Variants in RUBCN observed in about 807,000 individuals in gnomAD.
RUBCN encodes rubicon autophagy regulator, also known as run domain Beclin-1-interacting and cysteine-rich domain-containing protein.
In RUBCN, 74 loss-of-function variants were observed where a neutral mutation model predicts 113.2. The ratio of observed to expected loss-of-function variants is 0.65; its 90% CI spans 0.54 to 0.79. RUBCN has a LOEUF of 0.79. RUBCN is among the 30% of genes least tolerant of loss of function. The pLI, the probability that RUBCN is intolerant of heterozygous loss-of-function variation, is 0.00. For missense variants in RUBCN, 1,109 were observed against 1,251.7 expected, an observed-to-expected ratio of 0.89 and a Z score of 1.72; for synonymous variants, 480 against 490.0, an observed-to-expected ratio of 0.98 and a Z score of 0.27.
rs1360997657 is a variant in RUBCN at position 197,671,464 on chromosome 3, G to C, written c.*3554C>G. The C allele has an allele frequency of 6.6e-6, 1 of 152,230 alleles. No homozygotes were observed. The highest frequency in any genetic ancestry group is 2.4e-5 in the African/African-American group (1 of 41,450). 9.4% of individuals were successfully genotyped at this position (152,230 alleles called of 1,614,324 possible). A position where few individuals can be genotyped will look rare whatever the true frequency, so the allele number is the denominator to read the frequency against. ...AAAACATCCACAGAACTTGATGACA[G>C]GGAGTAGGAATGAGACGATGCGTGA... On this transcript the variant is annotated 3_prime_UTR_variant, in exon 20 of 20. Coordinates refer to ENST00000296343, the MANE Select transcript of RUBCN (RefSeq NM_014687.4).
chr3:197,682,675 G>A (rs944225942), intron 13 of RUBCN, 60 bp from the exon 14 acceptor site: 7 of 1,607,380 alleles, frequency 4.4e-6, no homozygotes, highest in African/African-American at 1.3e-5. Context: ...GTCATCTGGT[G>A]AGATGGGCAG....
rs1235080047 is a variant in RUBCN at position 197,700,789 on chromosome 3, G to A, written c.1085C>T (p.Pro362Leu). Residue 362 changes from proline (P) to leucine (L), a missense_variant, in exon 7 of 20, where the codon CCA becomes CTA. Pro to Leu is a moderately conservative substitution (Grantham distance 98). Transcript: ENST00000296343. The part of the protein sequence containing the change: ...NLFSSSSSQK[P>L]DSAASSLGDQ... ...CCCTAAGGAAGAGGCAGCAGAATCT[G>A]GCTTCTGGGAGCTGCTGGAGGAGAA... is the stretch of plus-strand genomic sequence containing the variant. 9.2e-5 allele frequency: 148 copies of A among 1,614,094 alleles called. No individual in the cohort carries two copies. Among genetic ancestry groups the A allele is most frequent in the Non-Finnish European group, 1.2e-4 (143 of 1,180,048 alleles).
At position 197,674,611 on chromosome 3, in the gene RUBCN, G is replaced by A; in HGVS notation, c.*407C>T. 2.2e-6 allele frequency: 1 copy of A among 457,224 alleles called. No homozygotes were observed. The highest frequency in any genetic ancestry group is 4.4e-6 in the Non-Finnish European group (1 of 228,462). The allele number at this position is 457,224 out of a possible 1,614,324, so 28.3% of individuals were successfully genotyped here. ...AGCAGCAGGAGAGGTGGTTGAGAAA[G>A]GCCTGGCTCAGAAGCTCCAGAACTG... On this transcript the variant is annotated 3_prime_UTR_variant, in exon 20 of 20. Coordinates refer to ENST00000296343, the MANE Select transcript of RUBCN (RefSeq NM_014687.4).
chr3:197,749,557 G>A, exon 1 of RUBCN: 1 of 1,292,064 alleles, frequency 7.7e-7, no homozygotes, highest in Non-Finnish European at 1.0e-6. Flanking sequence ...GGGCGCGAAA[G>A]GCTCGTGTGT....
At chr3:197,679,058 C>T (rs1483385553) in intron 16 of RUBCN, among the ~76,000 whole-genome samples, 11 of 149,442 alleles carry the variant, frequency 7.4e-5, no homozygotes, top group Non-Finnish European at 1.0e-4. Context: ...GACTGTCCTA[C>T]GCTCTGACAA....
At position 197,669,388 on chromosome 3, in the gene RUBCN, G is replaced by GT. The variant is rs1719587990; in HGVS notation, c.*5629_*5630insA. Reference sequence around the variant, plus strand: ...ACGGCATCTCTTTCCTTGTTTTCGAGACCTTGGCAATTTTGAGTAGGGTCA... The same window carrying GT: ...ACGGCATCTCTTTCCTTGTTTTCGAGTACCTTGGCAATTTTGAGTAGGGTCA... On this transcript the variant is annotated 3_prime_UTR_variant, in exon 20 of 20. Coordinates refer to ENST00000296343, the MANE Select transcript of RUBCN (RefSeq NM_014687.4). Among the ~76,000 whole-genome samples the GT allele has an allele frequency of 6.6e-6, 1 of 152,180 alleles. No homozygotes were observed. Among genetic ancestry groups the GT allele is most frequent in the Non-Finnish European group, 1.5e-5 (1 of 68,036 alleles).
intron 7 of RUBCN, among the ~76,000 whole-genome samples, chr3:197,698,412 T>A (rs1452491492): frequency 6.6e-6 from 1 of 152,016 alleles, no homozygotes; most frequent in Non-Finnish European, 1.5e-5. Context: ...GTACCCAGGA[T>A]GGAACACAAA....
At chr3:197,707,869 C>T (rs909485485) in intron 2 of RUBCN, among the ~76,000 whole-genome samples, 1 of 151,638 alleles carries the variant, frequency 6.6e-6, no homozygotes, top group Non-Finnish European at 1.5e-5. Flanking sequence ...GAGGCTGAGG[C>T]AGGAGAATCA....
chr3:197,676,321 T>C, intron 18 of RUBCN: 1 of 1,001,620 alleles, frequency 1.0e-6, no homozygotes, highest in Non-Finnish European at 1.2e-6. Flanking sequence ...TCTCACATCA[T>C]GACAACTGCC....
upstream of RUBCN, among the ~76,000 whole-genome samples, chr3:197,738,733 A>C (rs190386676): frequency 1.3e-5 from 2 of 149,346 alleles, no homozygotes; most frequent in African/African-American, 2.5e-5. Flanking sequence ...AGGCAGTGCC[A>C]CTATGCCCAG....
chr3:197,720,413 A>G (rs978312204), intron 1 of RUBCN, among the ~76,000 whole-genome samples: 2 of 145,894 alleles, frequency 1.4e-5, no homozygotes, highest in Non-Finnish European at 3.0e-5. Flanking sequence ...GTTGACGGAC[A>G]TTTTTTTTTT....
intron 1 of RUBCN, among the ~76,000 whole-genome samples, chr3:197,746,809 T>C (rs943619931): frequency 5.9e-5 from 9 of 152,222 alleles, no homozygotes; most frequent in Admixed American, 1.3e-4. Flanking sequence ...GTGGAACTGC[T>C]GTACACCAAC....
At position 197,686,422 on chromosome 3, in the gene RUBCN, G is replaced by A. The variant is rs554982186; in HGVS notation, c.1787-2205C>T. ...GAGTGGGGAGGGGCCACCCAGCTTC[G>A]GAGGCAAGGCTCTGACCCCGGACTG... On this transcript the variant is annotated intron_variant, in intron 11 of 19. Coordinates refer to ENST00000296343, the MANE Select transcript of RUBCN (RefSeq NM_014687.4). Among the ~76,000 whole-genome samples, 25 of 152,272 alleles carry A rather than the reference G, an allele frequency of 1.6e-4. No individual in the cohort carries two copies. In the East Asian group the frequency reaches 4.2e-3, roughly 26 times the overall value.
chr3:197,671,409 A>C lies in RUBCN; in HGVS notation c.*3609T>G, dbSNP rs1385457466. The C allele has an allele frequency of 6.6e-6, 1 of 152,238 alleles. No individual in the cohort carries two copies. The highest frequency in any genetic ancestry group is 1.9e-4 in the East Asian group (1 of 5,208). 9.4% of individuals were successfully genotyped at this position (152,238 alleles called of 1,614,324 possible). On this transcript the variant is annotated 3_prime_UTR_variant, in exon 20 of 20. Transcript: ENST00000296343. ...ACACCTGAATTTGTGTGCTAGTGGC[A>C]GAAAAGTAATGAGAGATTTATTTTA...
intron 7 of RUBCN, chr3:197,699,211 T>C: frequency 6.5e-7 from 1 of 1,550,238 alleles, no homozygotes; most frequent in Non-Finnish European, 8.7e-7. Context: ...TCAACTATAA[T>C]GGTGATATTC....
intron 2 of RUBCN, among the ~76,000 whole-genome samples, chr3:197,713,628 T>C (rs1173870659): frequency 1.3e-5 from 2 of 152,072 alleles, no homozygotes; most frequent in Non-Finnish European, 2.9e-5. Context: ...CAGCTAATCT[T>C]CTGGATTTAG....
intron 2 of RUBCN, among the ~76,000 whole-genome samples, chr3:197,716,400 C>G (rs567039380): frequency 5.1e-4 from 78 of 152,356 alleles, no homozygotes; most frequent in African/African-American, 1.9e-3. Flanking sequence ...GCTGGGATTA[C>G]AGGCGTGAGC....
chr3:197,678,152 A>G (rs565042770), intron 16 of RUBCN, among the ~76,000 whole-genome samples: 13 of 117,672 alleles, frequency 1.1e-4, no homozygotes, highest in African/African-American at 5.9e-4. Context: ...AGACTGTCCC[A>G]CACTCTGACA....
intron 1 of RUBCN, among the ~76,000 whole-genome samples, chr3:197,734,758 C>T (rs1727927494): frequency 6.6e-6 from 1 of 152,190 alleles, no homozygotes; most frequent in Non-Finnish European, 1.5e-5. Context: ...TGGGACCTTT[C>T]ACACGAAGCA....
Sources: gnomAD v4.1 joint callset for allele counts (sites outside exome capture counted in the v4.1 genomes callset) on GRCh38, gnomAD v4.1.1 for gene constraint, MANE v1.5 for transcripts, NCBI Gene and HGNC (gene_info 2026-07-23, HGNC 2026-07-21) for gene names.